Variants in NOC3L observed in about 807,000 individuals in gnomAD.
NOC3L encodes the protein nucleolar complex protein 3 homolog.
Under a neutral mutation model 102.5 loss-of-function variants are expected in NOC3L, and 85 were observed. That is an observed-to-expected ratio of 0.83 (90% CI 0.70 to 0.99). The LOEUF is 0.99. NOC3L is among the 50% of genes least tolerant of loss of function. The pLI is 0.00. For synonymous variants in NOC3L, 303 were observed against 309.4 expected (o/e 0.98, Z 0.22); for missense variants, 878 against 914.9 (o/e 0.96, Z 0.52).
intron 4 of NOC3L, 43 bp downstream of exon 4, chr10:94,357,131 G>A: frequency 7.3e-7 from 1 of 1,362,878 alleles, no homozygotes; most frequent in Non-Finnish European, 9.7e-7. Context: ...ATATCAGTAA[G>A]GGGGTAAAAG....
chr10:94,351,026 G>A (rs1400605297), intron 8 of NOC3L, among the ~76,000 whole-genome samples: 1 of 151,926 alleles, frequency 6.6e-6, no homozygotes, highest in Non-Finnish European at 1.5e-5. Flanking sequence ...TTGCTTTTTA[G>A]TGTGTCTGCA....
At chr10:94,352,523 A>C (rs2054431882) in intron 7 of NOC3L, 120 bp from the exon 8 acceptor site, 1 of 658,106 alleles carries the variant, frequency 1.5e-6, no homozygotes. Context: ...AAAAACAAAA[A>C]ACGCGGCAGT....
In NOC3L at chr10:94,361,714, A is replaced by G. The variant is rs2054553402; in HGVS notation, c.168T>C (p.Ala56=). 6.2e-7 allele frequency: 1 copy of G among 1,614,170 alleles called. No homozygotes were observed. Among genetic ancestry groups the G allele is most frequent in the Non-Finnish European group, 8.5e-7 (1 of 1,180,024 alleles). ...CCAATGGAATGGGTTTCTTAGACACAGCATCTTTCACAGCTTGCCTTAGTT... is the reference window on the plus strand; with the variant it reads ...CCAATGGAATGGGTTTCTTAGACACGGCATCTTTCACAGCTTGCCTTAGTT... ...QRKLRQAVKD[A]VSKKPIPLEN... Residue 56 remains alanine, a synonymous_variant, in exon 2 of 21, where the codon GCT becomes GCC. Coordinates refer to ENST00000371361, the MANE Select transcript of NOC3L (RefSeq NM_022451.11).
the NOC3L span, chr10:94,322,194 T>C: frequency 4.8e-4 from 404 of 846,148 alleles, no homozygotes; most frequent in African/African-American, 5.9e-3. Flanking sequence ...TGTGTGCCTC[T>C]TAAGGCTGGG....
chr10:94,321,745 T>C, the NOC3L span, among the ~76,000 whole-genome samples: 98 of 152,198 alleles, frequency 6.4e-4, no homozygotes, highest in Admixed American at 1.2e-3. Flanking sequence ...GGTATATCCT[T>C]TTAGAACAGT....
chr10:94,346,746 G>A (rs1053683278), intron 10 of NOC3L, among the ~76,000 whole-genome samples, 190 bp from the exon 11 acceptor site: 5 of 152,182 alleles, frequency 3.3e-5, no homozygotes, highest in South Asian at 2.1e-4. Flanking sequence ...ATGGAAGGAC[G>A]GGAGCAAACA....
the NOC3L span, among the ~76,000 whole-genome samples, chr10:94,317,383 GTATTT>G: frequency 3.3e-5 from 5 of 152,188 alleles, no homozygotes; most frequent in African/African-American, 1.2e-4. Context: ...TATGGGTCCA[GTATTT>G]TATTTGTATG....
chr10:94,358,268 T>C (rs1371701084), intron 2 of NOC3L, 53 bp from the exon 3 acceptor site: 34 of 966,392 alleles, frequency 3.5e-5, no homozygotes, highest in Non-Finnish European at 2.3e-5. Context: ...GTATCAGAGA[T>C]GTAGAACTCT....
intron 5 of NOC3L, 81 bp from the exon 6 acceptor site, chr10:94,355,174 T>C: frequency 1.9e-5 from 24 of 1,251,788 alleles, no homozygotes; most frequent in Non-Finnish European, 2.6e-5. Context: ...TTTACAGTAA[T>C]AATAATAATG....
rs1339667377 is a variant in NOC3L at position 94,347,228 on chromosome 10, C to G, written c.1258-672G>C. On this transcript the variant is annotated intron_variant, in intron 10 of 20. Coordinates refer to ENST00000371361, the MANE Select transcript of NOC3L (RefSeq NM_022451.11). ...TACAGGTTTGTATTATTTTGATGTT[C>G]CAATATGCACATTTGGAAGAAAGCT... 2.0e-5 allele frequency among the ~76,000 whole-genome samples: 3 copies of G among 152,096 alleles called. No individual in the cohort carries two copies. In the East Asian group the frequency reaches 5.8e-4, roughly 29 times the overall value.
At chr10:94,357,941 T>G (rs1344547933) in intron 3 of NOC3L, 142 bp downstream of exon 3, 1 of 629,428 alleles carries the variant, frequency 1.6e-6, no homozygotes. Flanking sequence ...CCTCCTTTAT[T>G]TAGGAAATAA....
At position 94,340,558 on chromosome 10, in the gene NOC3L, T is replaced by C. The variant is rs2054271038; in HGVS notation, c.1645-62A>G. The C allele has an allele frequency of 3.5e-6, 5 of 1,420,574 alleles. No individual in the cohort carries two copies. In the African/African-American group the frequency reaches 4.3e-5, roughly 12 times the overall value. The allele number at this position is 1,420,574 out of a possible 1,614,324, so 88.0% of individuals were successfully genotyped here. On this transcript the variant is annotated intron_variant, in intron 14 of 20. Coordinates refer to ENST00000371361, the MANE Select transcript of NOC3L (RefSeq NM_022451.11). Reference sequence around the variant, plus strand: ...TATTAAGAATGGTAATTGCCATTTATAGCTTTAAAAAAGAACTTTAAGGCC... The same window carrying C: ...TATTAAGAATGGTAATTGCCATTTACAGCTTTAAAAAAGAACTTTAAGGCC...
Position 94,333,226 on chromosome 10 carries a change from T to C in NOC3L, c.*951A>G, listed in dbSNP as rs1303826719. The C allele has an allele frequency of 6.6e-6, 1 of 151,168 alleles. No individual in the cohort carries two copies. The highest frequency in any genetic ancestry group is 2.4e-5 in the African/African-American group (1 of 41,408). 9.4% of individuals were successfully genotyped at this position (151,168 alleles called of 1,614,324 possible). On this transcript the variant is annotated 3_prime_UTR_variant, in exon 21 of 21. Transcript: ENST00000371361. ...TCAAAAAATTATCATATCACAAGAA[T>C]AGGAAGCAGAAAAAAACAGCTGTTT...
chr10:94,326,440 A>G, the NOC3L span, among the ~76,000 whole-genome samples: 1 of 152,194 alleles, frequency 6.6e-6, no homozygotes, highest in African/African-American at 2.4e-5. Context: ...AATTTTAAAT[A>G]TTGTTTTCCA....
intron 6 of NOC3L, 48 bp from the exon 7 acceptor site, chr10:94,353,105 T>A (rs971488334): frequency 1.3e-6 from 2 of 1,499,244 alleles, no homozygotes; most frequent in African/African-American, 1.4e-5. Flanking sequence ...GACGAAACAA[T>A]TATGAACAAA....
At chr10:94,358,924 C>A (rs1370687874) in intron 2 of NOC3L, among the ~76,000 whole-genome samples, 1 of 152,088 alleles carries the variant, frequency 6.6e-6, no homozygotes, top group East Asian at 1.9e-4. Flanking sequence ...TCACATCTAA[C>A]AAAATCCCAA....
chr10:94,352,427 C>T, intron 7 of NOC3L, 24 bp from the exon 8 acceptor site: 1 of 1,517,940 alleles, frequency 6.6e-7, no homozygotes, highest in Non-Finnish European at 9.1e-7. Flanking sequence ...AAAGGTCAAT[C>T]ATTTTTTAAA....
chr10:94,316,830 C>T, the NOC3L span: 2 of 1,105,464 alleles, frequency 1.8e-6, no homozygotes, highest in East Asian at 2.4e-5. Flanking sequence ...CACAACCTCC[C>T]TGAAATTCAG....
chr10:94,337,692 T>A (rs2054237122), intron 19 of NOC3L, 85 bp downstream of exon 19: 1 of 856,446 alleles, frequency 1.2e-6, no homozygotes, highest in East Asian at 2.5e-5. Flanking sequence ...TTTTGTAGTA[T>A]GTTACTTTAT....
Sources: gnomAD v4.1 joint callset for allele counts (sites outside exome capture counted in the v4.1 genomes callset) on GRCh38, gnomAD v4.1.1 for gene constraint, MANE v1.5 for transcripts, NCBI Gene and HGNC (gene_info 2026-07-23, HGNC 2026-07-21) for gene names.